The following PRKN variants were observed in gnomAD, a reference collection of about 807,000 sequenced individuals.
The protein encoded by PRKN is parkin RBR E3 ubiquitin protein ligase, also known as E3 ubiquitin-protein ligase parkin.
PRKN carries 56 observed loss-of-function variants against 59.5 expected under a neutral mutation model. That is an observed-to-expected ratio of 0.94 (90% CI 0.76 to 1.18). The LOEUF (loss-of-function observed/expected upper bound fraction) is 1.18. Ranked by LOEUF, PRKN falls within the 50% of genes most tolerant of loss-of-function variation. PRKN has a pLI of 0.00. For missense variants in PRKN, 657 were observed against 596.4 expected (o/e 1.10, Z -1.06); for synonymous variants, 250 against 222.1 (o/e 1.13, Z -1.12).
intron 1 of PRKN, among the ~76,000 whole-genome samples, chr6:162,631,484 T>C (rs58442569): frequency 0.015 from 2,227 of 152,304 alleles, 59 homozygotes; most frequent in African/African-American, 0.051. Flanking sequence ...GTAGCTTGCA[T>C]GTATTCTTTT....
At chr6:161,657,101 C>T (rs1402667102) in intron 7 of PRKN, among the ~76,000 whole-genome samples, 1 of 152,176 alleles carries the variant, frequency 6.6e-6, no homozygotes, top group Non-Finnish European at 1.5e-5. Flanking sequence ...AAATTGAGTG[C>T]ACAACAGTTC....
chr6:161,977,541 G>GTTTTTTTTTTTTTTTTTTTTT lies in PRKN; in HGVS notation c.619-4125_619-4124insAAAAAAAAAAAAAAAAAAAAA, dbSNP rs1562433349. On this transcript the variant is annotated intron_variant, in intron 5 of 11. Coordinates refer to ENST00000366898, the MANE Select transcript of PRKN (RefSeq NM_004562.3). ...TATCTTCTCTACTTTCTGTTTTTTT[G>GTTTTTTTTTTTTTTTTTTTTT]GTTTTTTTTTTTTTTTTTTTTTTTA... Among the ~76,000 whole-genome samples the GTTTTTTTTTTTTTTTTTTTTT allele has an allele frequency of 5.1e-5, 5 of 98,714 alleles. 2 individuals carry two copies. The highest frequency in any genetic ancestry group is 9.2e-5 in the African/African-American group (2 of 21,650). 64.8% of individuals were successfully genotyped at this position (98,714 alleles called of 152,430 possible). A position where few individuals can be genotyped will look rare whatever the true frequency, so the allele number is the denominator to read the frequency against.
chr6:162,685,201 G>A (rs1348441441), intron 1 of PRKN, among the ~76,000 whole-genome samples: 4 of 152,026 alleles, frequency 2.6e-5, no homozygotes, highest in East Asian at 1.9e-4. Flanking sequence ...ATTATGCCAC[G>A]AAGCATGTTG....
intron 7 of PRKN, among the ~76,000 whole-genome samples, chr6:161,711,494 T>G (rs1214183988): frequency 6.6e-6 from 1 of 152,118 alleles, no homozygotes; most frequent in African/African-American, 2.4e-5. Context: ...TTGTCTAAAT[T>G]TGAATAATAA....
chr6:161,879,063 A>C (rs1338769991), intron 6 of PRKN, among the ~76,000 whole-genome samples: 1 of 152,124 alleles, frequency 6.6e-6, no homozygotes, highest in Non-Finnish European at 1.5e-5. Context: ...CCTCTGCTCC[A>C]AACCTTATAT....
intron 1 of PRKN, among the ~76,000 whole-genome samples, chr6:162,719,405 G>C (rs111536965): frequency 6.6e-6 from 1 of 151,984 alleles, no homozygotes; most frequent in African/African-American, 2.4e-5. Context: ...AAAGGAGGTC[G>C]AATTTCAAGG....
chr6:161,549,117 CATGTGT>C lies in PRKN; in HGVS notation c.934-120_934-115del, dbSNP rs935258959. On this transcript the variant is annotated intron_variant, in intron 8 of 11. Coordinates refer to ENST00000366898, the MANE Select transcript of PRKN (RefSeq NM_004562.3). The surrounding 1 kb of genome is among the most constrained non-coding windows in gnomAD (Gnocchi z 6.0). ...CTTAACCAGTTTCAGTAAAATAATG[CATGTGT>C]GTGTGTGTGTGTGTGTGTAGGGGGA... 2.3e-5 allele frequency: 25 copies of C among 1,092,986 alleles called. No individual in the cohort carries two copies. Among genetic ancestry groups the C allele is most frequent in the Middle Eastern group, 4.1e-4 (2 of 4,922 alleles). 67.7% of individuals were successfully genotyped at this position (1,092,986 alleles called of 1,614,324 possible).
intron 1 of PRKN, among the ~76,000 whole-genome samples, chr6:162,579,983 C>G (rs1780725192): frequency 1.3e-5 from 2 of 152,218 alleles, no homozygotes; most frequent in South Asian, 4.1e-4. Context: ...CATGACCTAT[C>G]ATGAACGTTA....
chr6:161,980,232 T>C (rs1475005024), intron 5 of PRKN, among the ~76,000 whole-genome samples: 3 of 152,220 alleles, frequency 2.0e-5, no homozygotes, highest in African/African-American at 4.8e-5. Context: ...AAACGAAATA[T>C]TGTATCTATC....
In PRKN at chr6:161,446,728, C is replaced by T. The variant is rs1212267237; in HGVS notation, c.1084-59851G>A. On this transcript the variant is annotated intron_variant, in intron 9 of 11. Transcript: ENST00000366898. The surrounding 1 kb of genome is among the most constrained non-coding windows in gnomAD (Gnocchi z 6.2). ...CAATTCATCCTCATCTAATTTATAA[C>T]CATCCTCCCACACTAGGAATATGGA... Among the ~76,000 whole-genome samples the T allele has an allele frequency of 6.6e-6, 1 of 152,188 alleles. No individual in the cohort carries two copies.
rs1037256307 is a variant in PRKN, at chr6:161,620,948, T to C, written c.872-51532A>G. On this transcript the variant is annotated intron_variant, in intron 7 of 11. Coordinates refer to ENST00000366898, the MANE Select transcript of PRKN (RefSeq NM_004562.3). ...CCATGGAAGGCAGTGAGATGGAGGATAGGCTGTATAATTCCGATGACTATC... is the reference window on the plus strand; with the variant it reads ...CCATGGAAGGCAGTGAGATGGAGGACAGGCTGTATAATTCCGATGACTATC... Among the ~76,000 whole-genome samples the C allele has an allele frequency of 9.9e-5, 15 of 152,162 alleles. No individual in the cohort carries two copies. The East Asian group carries it at 2.7e-3, about 27-fold the overall frequency.
At chr6:161,569,180 T>C (rs1780771683) in intron 8 of PRKN, among the ~76,000 whole-genome samples, 175 bp downstream of exon 8, 1 of 152,236 alleles carries the variant, frequency 6.6e-6, no homozygotes, top group Admixed American at 6.5e-5. Flanking sequence ...CTGTCAGGTC[T>C]GATGGATAGA....
intron 1 of PRKN, among the ~76,000 whole-genome samples, chr6:162,689,825 G>C (rs1007110184): frequency 6.6e-6 from 1 of 152,162 alleles, no homozygotes; most frequent in African/African-American, 2.4e-5. Context: ...AGTAGAGCGA[G>C]GCAGAGTCTG....
intron 6 of PRKN, among the ~76,000 whole-genome samples, chr6:161,796,216 A>G (rs564260441): frequency 6.6e-6 from 1 of 152,324 alleles, no homozygotes; most frequent in South Asian, 2.1e-4. Context: ...CTTTAGTCTA[A>G]TTTGTGTATT....
rs1790004793 is a variant in PRKN, at chr6:161,457,106, C to T, written c.1084-70229G>A. Reference sequence around the variant, plus strand: ...GAGCGTCTTCGCTACGCAAGGCTCTCTTCCAGACCGCTTGGTTCTTTGGAG... The same window carrying T: ...GAGCGTCTTCGCTACGCAAGGCTCTTTTCCAGACCGCTTGGTTCTTTGGAG... On this transcript the variant is annotated intron_variant, in intron 9 of 11. Coordinates refer to ENST00000366898, the MANE Select transcript of PRKN (RefSeq NM_004562.3). The surrounding 1 kb of genome is among the most constrained non-coding windows in gnomAD (Gnocchi z 5.0). Among the ~76,000 whole-genome samples the T allele has an allele frequency of 6.6e-6, 1 of 152,248 alleles. No homozygotes were observed. The highest frequency in any genetic ancestry group is 2.4e-5 in the African/African-American group (1 of 41,470).
rs1179667898 is a variant in PRKN at position 161,483,250 on chromosome 6, C to T, written c.1083+65604G>A. Among the ~76,000 whole-genome samples, 1 of 150,900 alleles carries T rather than the reference C, an allele frequency of 6.6e-6. No homozygotes were observed. The highest frequency in any genetic ancestry group is 1.5e-5 in the Non-Finnish European group (1 of 67,886). ...TTAGAGTTAGGTGAAATAGAGATAA[C>T]TATTTTCATAGCTATGCATTAATTG... On this transcript the variant is annotated intron_variant, in intron 9 of 11. Coordinates refer to ENST00000366898, the MANE Select transcript of PRKN (RefSeq NM_004562.3). This position sits in a 1 kb window ranked among gnomAD's most constrained non-coding sequence, Gnocchi z 5.0.
chr6:162,661,255 C>CT, intron 1 of PRKN, among the ~76,000 whole-genome samples: 1 of 151,728 alleles, frequency 6.6e-6, no homozygotes, highest in Non-Finnish European at 1.5e-5. Flanking sequence ...GAATGAAACT[C>CT]TGTCTAAAAA....
At chr6:161,433,837 T>C (rs552337769) in intron 9 of PRKN, among the ~76,000 whole-genome samples, 1 of 152,136 alleles carries the variant, frequency 6.6e-6, no homozygotes, top group South Asian at 2.1e-4. Context: ...GCCAACATGA[T>C]GAAACCCCAT....
At chr6:162,578,386 T>C (rs1176468938) in intron 1 of PRKN, among the ~76,000 whole-genome samples, 2 of 152,192 alleles carry the variant, frequency 1.3e-5, no homozygotes, top group Admixed American at 6.5e-5. Context: ...TCAGAGGACT[T>C]TGCAACAAAA....
Sources: allele counts gnomAD v4.1 joint callset (sites outside exome capture counted in the v4.1 genomes callset), GRCh38; gene constraint gnomAD v4.1.1; non-coding constraint Gnocchi (gnomAD v3.1); transcripts MANE v1.5; gene names NCBI Gene and HGNC (gene_info 2026-07-23, HGNC 2026-07-21).